ITGA8: variants seen among roughly 807,000 people sequenced by gnomAD.
The protein encoded by ITGA8 is integrin alpha-8.
ITGA8 carries 91 observed loss-of-function variants against 142.3 expected under a neutral mutation model. The observed-to-expected ratio is 0.64, with a 90% CI of 0.54 to 0.76. The LOEUF is 0.76. ITGA8 is among the 30% of genes least tolerant of loss of function. ITGA8 has a pLI of 0.00. For missense variants in ITGA8, 1,406 were observed against 1,327.7 expected (o/e 1.06, Z -0.92); for synonymous variants, 505 against 485.2 (o/e 1.04, Z -0.54).
chr10:15,599,046 T>A (rs1193898049), intron 20 of ITGA8, among the ~76,000 whole-genome samples: 1 of 151,330 alleles, frequency 6.6e-6, no homozygotes, highest in Non-Finnish European at 1.5e-5. Flanking sequence ...TCCTCATATG[T>A]CCCTTGAATT....
Position 15,719,580 on chromosome 10 carries a change from G to T in ITGA8, c.192C>A (p.His64Gln). ...GSYFGYAVDFHIPDARTASVL... is the reference protein window; with the variant it reads ...GSYFGYAVDFQIPDARTASVL... ...CGACTTACGTGCGGGCGTCGGGTAT[G>T]TGGAAGTCCACGGCGTAGCCGAAGT... Residue 64 changes from histidine (H) to glutamine (Q), a missense_variant, in exon 1 of 30, where the codon CAC becomes CAA. Transcript: ENST00000378076. The T allele has an allele frequency of 6.4e-7, 1 of 1,564,268 alleles. No homozygotes were observed. Among genetic ancestry groups the T allele is most frequent in the Non-Finnish European group, 8.6e-7 (1 of 1,162,740 alleles).
intron 28 of ITGA8, among the ~76,000 whole-genome samples, chr10:15,525,773 T>C (rs763695884): frequency 1.8e-4 from 27 of 152,114 alleles, no homozygotes; most frequent in Non-Finnish European, 2.8e-4. Context: ...TTTCAACATG[T>C]AATTGGTTCT....
chr10:15,649,972 T>A (rs572672873), intron 11 of ITGA8, among the ~76,000 whole-genome samples: 1 of 152,156 alleles, frequency 6.6e-6, no homozygotes, highest in Non-Finnish European at 1.5e-5. Context: ...AAAACAGATA[T>A]ACATACAAAA....
chr10:15,527,556 T>C lies in ITGA8; in HGVS notation c.2982+3494A>G, dbSNP rs149960502. Among the ~76,000 whole-genome samples the C allele has an allele frequency of 1.4e-4, 22 of 152,312 alleles. No homozygotes were observed. In the East Asian group the frequency reaches 3.1e-3, roughly 21 times the overall value. On this transcript the variant is annotated intron_variant, in intron 28 of 29. Transcript: ENST00000378076. The stretch of plus-strand genomic sequence containing the variant: ...TGTTCAGGCATATTTCTTCGAATCA[T>C]GCAATCTTTCCCTTGTCTCCGGACA...
intron 2 of ITGA8, among the ~76,000 whole-genome samples, chr10:15,717,013 T>C (rs182259668): frequency 2.0e-5 from 3 of 152,366 alleles, no homozygotes; most frequent in Non-Finnish European, 4.4e-5. Context: ...GGTCAGTTAT[T>C]TTTTGAATTC....
intron 2 of ITGA8, among the ~76,000 whole-genome samples, chr10:15,706,703 G>A (rs756123834): frequency 1.3e-5 from 2 of 152,150 alleles, no homozygotes; most frequent in African/African-American, 4.8e-5. Context: ...GTCTTCCAAA[G>A]TGCTGGGATT....
intron 9 of ITGA8, among the ~76,000 whole-genome samples, chr10:15,659,260 T>G (rs1004237682): frequency 5.9e-5 from 9 of 152,086 alleles, no homozygotes; most frequent in African/African-American, 2.2e-4. Context: ...AAGTCTGGGA[T>G]GCTTTCAGAA....
At chr10:15,700,252 C>T (rs1463035334) in intron 2 of ITGA8, among the ~76,000 whole-genome samples, 1 of 152,172 alleles carries the variant, frequency 6.6e-6, no homozygotes, top group Non-Finnish European at 1.5e-5. Flanking sequence ...TATAGTTCCA[C>T]CTCTGCAATA....
chr10:15,575,639 A>T, intron 23 of ITGA8, 45 bp from the exon 24 acceptor site: 2 of 1,494,104 alleles, frequency 1.3e-6, no homozygotes, highest in Non-Finnish European at 1.9e-6. Flanking sequence ...TGGCCCAGGT[A>T]AAGAATGTTT....
intron 12 of ITGA8, 124 bp downstream of exon 12, chr10:15,646,722 T>C (rs1241188133): frequency 1.6e-6 from 1 of 630,396 alleles, no homozygotes. Context: ...TGTGATAGTT[T>C]ATTAAAAATC....
intron 6 of ITGA8, among the ~76,000 whole-genome samples, chr10:15,677,142 T>A (rs562016981): frequency 6.6e-6 from 1 of 152,176 alleles, no homozygotes; most frequent in Non-Finnish European, 1.5e-5. Flanking sequence ...CAAGGATGAA[T>A]AGAGATTCAG....
chr10:15,667,874 G>T (rs543602358), intron 8 of ITGA8, among the ~76,000 whole-genome samples: 113 of 152,264 alleles, frequency 7.4e-4, no homozygotes, highest in African/African-American at 2.6e-3. Context: ...TTGCACTGTG[G>T]TCTGAGAGAC....
At chr10:15,592,376 C>G in intron 21 of ITGA8, 72 bp from the exon 22 acceptor site, 1 of 1,099,578 alleles carries the variant, frequency 9.1e-7, no homozygotes, top group East Asian at 2.5e-5. Context: ...GTCATTCCTG[C>G]AAAACCCCAC....
intron 12 of ITGA8, among the ~76,000 whole-genome samples, chr10:15,646,614 G>A (rs1237889048): frequency 1.3e-5 from 2 of 152,146 alleles, no homozygotes; most frequent in African/African-American, 2.4e-5. Flanking sequence ...GTAATCTTGT[G>A]AGATTTGAAA....
Position 15,644,021 on chromosome 10 carries a change from A to ACCCTTACCTGGGGTACCCTTACCCTT in ITGA8, c.1399+8_1399+9insAAGGGTAAGGGTACCCCAGGTAAGGG, listed in dbSNP as rs1223437941. 6.2e-7 allele frequency: 1 copy of ACCCTTACCTGGGGTACCCTTACCCTT among 1,605,412 alleles called. No homozygotes were observed. Among genetic ancestry groups the ACCCTTACCTGGGGTACCCTTACCCTT allele is most frequent in the East Asian group, 2.2e-5 (1 of 44,700 alleles). On this transcript the variant is annotated intron_variant, in intron 13 of 29. Coordinates refer to ENST00000378076, the MANE Select transcript of ITGA8 (RefSeq NM_003638.3). Reference sequence around the variant, plus strand: ...AGACTCTCACGTGGGAAAAGAAAGAAAACCTTACCTGGGTAATCATTCTTG... The same window carrying ACCCTTACCTGGGGTACCCTTACCCTT: ...AGACTCTCACGTGGGAAAAGAAAGAACCCTTACCTGGGGTACCCTTACCCTTAACCTTACCTGGGTAATCATTCTTG...
intron 25 of ITGA8, among the ~76,000 whole-genome samples, chr10:15,558,532 T>C (rs1481691450): frequency 1.3e-5 from 2 of 152,182 alleles, no homozygotes; most frequent in African/African-American, 4.8e-5. Context: ...GAGCCATCCT[T>C]CTCTCATTAC....
rs756636894 is a variant in ITGA8 at position 15,719,723 on chromosome 10, T to A, written c.49A>T (p.Ile17Phe). 20 of 1,393,122 alleles carry A rather than the reference T, an allele frequency of 1.4e-5. No homozygotes were observed. Among genetic ancestry groups the A allele is most frequent in the Non-Finnish European group, 1.8e-5 (19 of 1,080,742 alleles). 86.3% of individuals were successfully genotyped at this position (1,393,122 alleles called of 1,614,324 possible). A position where few individuals can be genotyped will look rare whatever the true frequency, so the allele number is the denominator to read the frequency against. ...GCCGCGGCGCAGCAGAGGGGCGCGA[T>A]CAGCGGCGCCTGGCTTCCCCGGGGA... ...RGPRGSQAPL[I>F]APLCCAAAAL... Residue 17 changes from isoleucine to phenylalanine, a missense_variant, in exon 1 of 30, where the codon ATC becomes TTC. Transcript: ENST00000378076.
At chr10:15,550,289 G>A (rs1833771420) in intron 26 of ITGA8, among the ~76,000 whole-genome samples, 1 of 152,042 alleles carries the variant, frequency 6.6e-6, no homozygotes, top group Admixed American at 6.6e-5. Flanking sequence ...CCCAGTCTCG[G>A]GTATGTCTTT....
intron 13 of ITGA8, among the ~76,000 whole-genome samples, chr10:15,638,637 G>T (rs1329968929): frequency 1.3e-5 from 2 of 152,142 alleles, no homozygotes; most frequent in African/African-American, 4.8e-5. Context: ...CTTCTCAGGG[G>T]TGTTCCATTC....
Sources: gnomAD v4.1 joint callset for allele counts (sites outside exome capture counted in the v4.1 genomes callset) on GRCh38, gnomAD v4.1.1 for gene constraint, MANE v1.5 for transcripts, NCBI Gene and HGNC (gene_info 2026-07-23, HGNC 2026-07-21) for gene names.